FBXL7: variants seen among roughly 807,000 people sequenced by gnomAD.
FBXL7 encodes the protein F-box and leucine rich repeat protein 7.
A neutral mutation model predicts 38.3 loss-of-function variants in FBXL7; 12 were observed. The observed-to-expected ratio is 0.31, with a 90% confidence interval of 0.20 to 0.51. FBXL7 has a LOEUF of 0.51. FBXL7 is among the 20% of genes least tolerant of loss of function. The pLI is 0.98. For missense variants in FBXL7, 567 were observed against 676.4 expected (o/e 0.84, Z 1.79); for synonymous variants, 297 against 300.9 (o/e 0.99, Z 0.13).
chr5:15,618,913 G>A (rs933922327), intron 2 of FBXL7, among the ~76,000 whole-genome samples: 4 of 152,180 alleles, frequency 2.6e-5, no homozygotes, highest in African/African-American at 7.2e-5. Flanking sequence ...AGGAATGGAA[G>A]TTTACTCATA....
At chr5:15,610,662 T>C (rs908430675) in intron 1 of FBXL7, among the ~76,000 whole-genome samples, 3 of 152,182 alleles carry the variant, frequency 2.0e-5, no homozygotes, top group African/African-American at 7.2e-5. Flanking sequence ...CAGAAGAGCA[T>C]ATCATGGTAT....
intron 2 of FBXL7, among the ~76,000 whole-genome samples, chr5:15,754,802 C>T (rs956468368): frequency 6.6e-6 from 1 of 152,154 alleles, no homozygotes; most frequent in African/African-American, 2.4e-5. Context: ...CTACTAGGCT[C>T]TTCTAGTGAT....
intron 2 of FBXL7, among the ~76,000 whole-genome samples, chr5:15,804,860 G>A (rs73054429): frequency 0.033 from 5,052 of 152,210 alleles, 290 homozygotes; most frequent in African/African-American, 0.12. Context: ...CCGCCAAACC[G>A]TGGAAAAACT....
At chr5:15,757,861 G>C (rs1262939628) in intron 2 of FBXL7, among the ~76,000 whole-genome samples, 1 of 152,132 alleles carries the variant, frequency 6.6e-6, no homozygotes. Context: ...CGTCAAGCAG[G>C]CTCAGTCAGC....
chr5:15,620,171 T>C (rs1038551681), intron 2 of FBXL7, among the ~76,000 whole-genome samples: 1 of 151,996 alleles, frequency 6.6e-6, no homozygotes, highest in Non-Finnish European at 1.5e-5. Context: ...TTGGGGCAGC[T>C]ACCACTTCTG....
At chr5:15,541,516 C>G (rs1165363685) in intron 1 of FBXL7, among the ~76,000 whole-genome samples, 5 of 128,242 alleles carry the variant, frequency 3.9e-5, no homozygotes, top group African/African-American at 1.2e-4. Flanking sequence ...TCCCATCTTA[C>G]CCCCACCCCT....
At chr5:15,753,191 C>T (rs942510495) in intron 2 of FBXL7, among the ~76,000 whole-genome samples, 13 of 152,004 alleles carry the variant, frequency 8.6e-5, no homozygotes, top group Non-Finnish European at 1.8e-4. Context: ...TTTTTTTCCC[C>T]GTATAGTGCT....
intron 2 of FBXL7, among the ~76,000 whole-genome samples, chr5:15,916,519 T>G (rs961940352): frequency 2.0e-5 from 3 of 152,088 alleles, no homozygotes; most frequent in African/African-American, 7.2e-5. Context: ...CATCAGTGTA[T>G]AAGTTGTATA....
At chr5:15,826,041 G>A (rs1738301733) in intron 2 of FBXL7, among the ~76,000 whole-genome samples, 1 of 152,206 alleles carries the variant, frequency 6.6e-6, no homozygotes, top group Non-Finnish European at 1.5e-5. Flanking sequence ...GGAGTTGGAA[G>A]TTTGAGGACA....
intron 2 of FBXL7, among the ~76,000 whole-genome samples, chr5:15,918,896 C>T (rs891276700): frequency 3.9e-5 from 6 of 152,324 alleles, no homozygotes; most frequent in South Asian, 4.1e-4. Context: ...GCAAGATTAA[C>T]GTCTGCATAC....
intron 2 of FBXL7, among the ~76,000 whole-genome samples, chr5:15,900,974 G>A (rs1741219435): frequency 6.6e-6 from 1 of 152,180 alleles, no homozygotes; most frequent in South Asian, 2.1e-4. Context: ...TTCTTCAAAA[G>A]TATCAAGTAG....
chr5:15,676,629 T>C, intron 2 of FBXL7, among the ~76,000 whole-genome samples: 1 of 152,230 alleles, frequency 6.6e-6, no homozygotes, highest in East Asian at 1.9e-4. Context: ...CTTCTGTGAT[T>C]TGCCCTGCAA....
intron 2 of FBXL7, among the ~76,000 whole-genome samples, chr5:15,743,978 C>T (rs940970037): frequency 6.6e-6 from 1 of 152,178 alleles, no homozygotes; most frequent in African/African-American, 2.4e-5. Context: ...ACATAAGGCA[C>T]CAAGTCCCAA....
intron 2 of FBXL7, among the ~76,000 whole-genome samples, chr5:15,915,834 G>A (rs1294314784): frequency 1.3e-5 from 2 of 152,184 alleles, no homozygotes; most frequent in Non-Finnish European, 2.9e-5. Context: ...TTGTTGAAAG[G>A]AGATGAGAGA....
chr5:15,504,673 G>T (rs1045902840), intron 1 of FBXL7, among the ~76,000 whole-genome samples: 58 of 152,050 alleles, frequency 3.8e-4, no homozygotes, highest in Admixed American at 1.0e-3. Context: ...TTTTATGGAG[G>T]AATTTTTTTG....
chr5:15,600,308 T>C (rs1251270922), intron 1 of FBXL7, among the ~76,000 whole-genome samples: 1 of 152,096 alleles, frequency 6.6e-6, no homozygotes, highest in African/African-American at 2.4e-5. Flanking sequence ...TTAGTTGATA[T>C]CAGTGGTGCA....
intron 2 of FBXL7, among the ~76,000 whole-genome samples, chr5:15,733,381 G>A (rs1057327273): frequency 1.5e-4 from 10 of 65,466 alleles, no homozygotes; most frequent in East Asian, 1.7e-3. Context: ...GTGAGCCACC[G>A]CCCCGGCCAG....
Position 15,660,648 on chromosome 5 carries a change from G to A in FBXL7, c.127+44576G>A, listed in dbSNP as rs187597923. On this transcript the variant is annotated intron_variant, in intron 2 of 3. Transcript: ENST00000504595. Reference sequence around the variant, plus strand: ...GCTGGGATTACAGGCGTGAGACACCGTGCCTGGCCCATTGTAGATTTTCTA... The same window carrying A: ...GCTGGGATTACAGGCGTGAGACACCATGCCTGGCCCATTGTAGATTTTCTA... Among the ~76,000 whole-genome samples, 134 of 152,264 alleles carry A rather than the reference G, an allele frequency of 8.8e-4. 1 individual carries two copies. In the East Asian group the frequency reaches 0.023, roughly 26 times the overall value.
intron 2 of FBXL7, among the ~76,000 whole-genome samples, chr5:15,917,103 T>C (rs1366060205): frequency 1.3e-5 from 2 of 152,180 alleles, no homozygotes; most frequent in Non-Finnish European, 2.9e-5. Context: ...CTGCACATAG[T>C]AGAGTTAGGA....
Sources: allele counts gnomAD v4.1 joint callset (sites outside exome capture counted in the v4.1 genomes callset), GRCh38; gene constraint gnomAD v4.1.1; transcripts MANE v1.5; gene names NCBI Gene and HGNC (gene_info 2026-07-23, HGNC 2026-07-21).